Variants in CDH17 observed in about 807,000 individuals in gnomAD.
The protein encoded by CDH17 is cadherin-17.
In CDH17, 67 loss-of-function variants were observed where a neutral mutation model predicts 86.3. The ratio of observed to expected loss-of-function variants is 0.78; its 90% CI spans 0.64 to 0.95. The LOEUF is 0.95. Ranked by LOEUF, CDH17 falls within the 40% of genes least tolerant of loss-of-function variation. The probability of loss-of-function intolerance (pLI) is 0.00; values close to 1 mark genes in which losing one functional copy is unlikely to be tolerated. For missense variants in CDH17, 993 were observed against 1,017.6 expected (o/e 0.98, Z 0.33); for synonymous variants, 367 against 366.4 (o/e 1.00, Z -0.02).
chr8:94,131,799 G>A (rs1029399863), intron 15 of CDH17, among the ~76,000 whole-genome samples: 2 of 151,988 alleles, frequency 1.3e-5, no homozygotes, highest in African/African-American at 4.8e-5. Flanking sequence ...ATTTACATTA[G>A]GTATTTCTCC....
chr8:94,186,221 A>G (rs140928710), intron 3 of CDH17, among the ~76,000 whole-genome samples: 5 of 152,234 alleles, frequency 3.3e-5, no homozygotes, highest in African/African-American at 9.6e-5. Context: ...CCTAAAACTC[A>G]TTCACTTTTC....
At chr8:94,173,253 T>C (rs997112781) in intron 7 of CDH17, among the ~76,000 whole-genome samples, 9 of 152,110 alleles carry the variant, frequency 5.9e-5, no homozygotes, top group Non-Finnish European at 1.0e-4. Flanking sequence ...GTATTGGAGG[T>C]GAGGCCCAGT....
intron 15 of CDH17, among the ~76,000 whole-genome samples, chr8:94,135,259 T>G (rs1451110624): frequency 1.3e-5 from 2 of 152,182 alleles, no homozygotes; most frequent in Non-Finnish European, 2.9e-5. Flanking sequence ...GACAGTGGGG[T>G]GTTAAAGTCT....
At chr8:94,165,662 G>A (rs971185406) in intron 10 of CDH17, 99 bp downstream of exon 10, 1 of 813,178 alleles carries the variant, frequency 1.2e-6, no homozygotes, top group African/African-American at 1.7e-5. Context: ...TGTTTAAATG[G>A]CATCATTCTA....
intron 1 of CDH17, among the ~76,000 whole-genome samples, chr8:94,199,918 A>G (rs183048535): frequency 2.0e-5 from 3 of 152,338 alleles, no homozygotes; most frequent in Non-Finnish European, 4.4e-5. Context: ...TATTTGGAAT[A>G]CTGTTGGCCA....
At position 94,146,101 on chromosome 8, in the gene CDH17, G is replaced by A; in HGVS notation, c.1994C>T (p.Pro665Leu). 6.2e-7 allele frequency: 1 copy of A among 1,612,398 alleles called. No homozygotes were observed. Among genetic ancestry groups the A allele is most frequent in the East Asian group, 2.2e-5 (1 of 44,810 alleles). ...LILMDVNDNPPRLAKDYTGLF... is the reference protein window; with the variant it reads ...LILMDVNDNPLRLAKDYTGLF... ...GCCCGTGTAGTCCTTGGCTAGCCTGGGAGGGTTGTCATTCACATCCATAAG... is the reference window on the plus strand; with the variant it reads ...GCCCGTGTAGTCCTTGGCTAGCCTGAGAGGGTTGTCATTCACATCCATAAG... Residue 665 changes from proline to leucine, a missense_variant, in exon 15 of 18, where the codon CCC becomes CTC. Physicochemically the swap from Pro to Leu is moderately conservative, Grantham distance 98. Transcript: ENST00000027335.
chr8:94,173,865 A>ATT lies in CDH17; in HGVS notation c.714_715insAA (p.Trp239AsnfsTer36). The ATT allele has an allele frequency of 6.2e-7, 1 of 1,613,930 alleles. No homozygotes were observed. Among genetic ancestry groups the ATT allele is most frequent in the Middle Eastern group, 1.6e-4 (1 of 6,062 alleles). On this transcript the variant is annotated frameshift_variant, in exon 7 of 18. Transcript: ENST00000027335. LOFTEE classifies it high-confidence loss of function. ...ATCTCCACAGGTTTTGGTGCTTTCCAAATATTCTCTGTCACTATGATATCC... is the reference window on the plus strand; with the variant it reads ...ATCTCCACAGGTTTTGGTGCTTTCCATTAATATTCTCTGTCACTATGATATCC...
intron 12 of CDH17, 34 bp downstream of exon 12, chr8:94,159,937 A>G (rs747360871): frequency 1.3e-6 from 2 of 1,538,796 alleles, no homozygotes; most frequent in East Asian, 4.5e-5. Flanking sequence ...CCCACAAACA[A>G]AGACAAATTC....
At chr8:94,138,416 C>T (rs2130578720) in intron 15 of CDH17, among the ~76,000 whole-genome samples, 1 of 152,284 alleles carries the variant, frequency 6.6e-6, no homozygotes, top group African/African-American at 2.4e-5. Flanking sequence ...CAGCTTACCA[C>T]CCAAAGCAAA....
At chr8:94,196,497 G>A (rs1813787700) in intron 1 of CDH17, among the ~76,000 whole-genome samples, 1 of 152,128 alleles carries the variant, frequency 6.6e-6, no homozygotes, top group Admixed American at 6.5e-5. Context: ...TTGAGCTCAG[G>A]AGTTTGAGAC....
At chr8:94,149,362 C>T (rs1448474726) in intron 13 of CDH17, among the ~76,000 whole-genome samples, 4 of 152,122 alleles carry the variant, frequency 2.6e-5, no homozygotes. Flanking sequence ...ATCCAACAAA[C>T]ATCTATTGAG....
intron 13 of CDH17, 45 bp from the exon 14 acceptor site, chr8:94,148,919 A>G: frequency 6.4e-7 from 1 of 1,563,096 alleles, no homozygotes; most frequent in Non-Finnish European, 8.6e-7. Context: ...ATTACTTTGC[A>G]TGAAAATGTG....
chr8:94,188,538 T>G (rs1687164728), intron 3 of CDH17, among the ~76,000 whole-genome samples: 1 of 152,194 alleles, frequency 6.6e-6, no homozygotes. Context: ...TCAGGGGATG[T>G]CTGGTAAATA....
chr8:94,138,236 T>C (rs1205700092), intron 15 of CDH17, among the ~76,000 whole-genome samples: 1 of 152,150 alleles, frequency 6.6e-6, no homozygotes, highest in Non-Finnish European at 1.5e-5. Context: ...AAAATTATTA[T>C]GGCCCACCTA....
intron 3 of CDH17, among the ~76,000 whole-genome samples, chr8:94,188,583 G>T (rs982075327): frequency 6.6e-6 from 1 of 152,174 alleles, no homozygotes; most frequent in Non-Finnish European, 1.5e-5. Context: ...TACATTTCCA[G>T]GATTATTTCT....
chr8:94,148,823 A>C lies in CDH17; in HGVS notation c.1848T>G (p.Thr616=). The C allele has an allele frequency of 6.2e-7, 1 of 1,607,124 alleles. No homozygotes were observed. The highest frequency in any genetic ancestry group is 8.5e-7 in the Non-Finnish European group (1 of 1,177,808). ...ATGGAGCCACACTAAAGATCTCACC[A>C]GTCACGTGGTCAATTTTAAGCCAAC... ...TRGWLKIDHV[T]GEIFSVAPLD... is the part of the protein sequence containing the mutation. The change falls in exon 14 of 18, where the codon ACT becomes ACG. Residue 616 remains threonine (T), a synonymous_variant. Transcript: ENST00000027335.
intron 1 of CDH17, among the ~76,000 whole-genome samples, chr8:94,204,125 G>A (rs373488341): frequency 6.6e-6 from 1 of 152,046 alleles, no homozygotes; most frequent in South Asian, 2.1e-4. Flanking sequence ...AAAAATGTTT[G>A]TCTCACTTTT....
intron 12 of CDH17, among the ~76,000 whole-genome samples, chr8:94,152,696 C>T (rs1204929749): frequency 6.6e-6 from 1 of 152,108 alleles, no homozygotes; most frequent in East Asian, 1.9e-4. Flanking sequence ...CCATGCCTGG[C>T]TGGAATAGAA....
intron 3 of CDH17, among the ~76,000 whole-genome samples, chr8:94,181,435 G>A (rs1459325734): frequency 1.3e-5 from 2 of 152,060 alleles, no homozygotes; most frequent in South Asian, 2.1e-4. Flanking sequence ...AATTTAAAGG[G>A]ATTGAAGTTA....
Sources: gnomAD v4.1 joint callset for allele counts (sites outside exome capture counted in the v4.1 genomes callset) on GRCh38, gnomAD v4.1.1 for gene constraint, MANE v1.5 for transcripts, NCBI Gene and HGNC (gene_info 2026-07-23, HGNC 2026-07-21) for gene names.